Variants in OCLN observed in about 807,000 individuals in gnomAD.
OCLN encodes the protein occludin.
Under a neutral mutation model 47.9 loss-of-function variants are expected in OCLN, and 21 were observed. That is an observed-to-expected ratio of 0.44 (90% CI 0.31 to 0.63). The LOEUF (loss-of-function observed/expected upper bound fraction) is 0.63, where lower values mean the gene tolerates loss of function less well. Among genes scored for constraint, OCLN ranks in the 30% least tolerant of loss-of-function variants. The probability of loss-of-function intolerance (pLI) is 0.08; values close to 1 mark genes in which losing one functional copy is unlikely to be tolerated. For synonymous variants in OCLN, 117 were observed against 198.4 expected (o/e 0.59, Z 3.45); for missense variants, 360 against 571.0 (o/e 0.63, Z 3.77).
chr5:69,522,894 C>CTTTTTTT (rs60505522), intron 4 of OCLN, among the ~76,000 whole-genome samples: 1 of 116,890 alleles, frequency 8.6e-6, no homozygotes, highest in African/African-American at 3.4e-5. Context: ...GCCTGGCTGA[C>CTTTTTTT]TTTTTTTTTT....
At chr5:69,496,048 T>A (rs1045916155) in intron 1 of OCLN, among the ~76,000 whole-genome samples, 2 of 152,190 alleles carry the variant, frequency 1.3e-5, no homozygotes, top group Non-Finnish European at 2.9e-5. Flanking sequence ...TTTTAGACAA[T>A]TTACTAATGA....
intron 4 of OCLN, among the ~76,000 whole-genome samples, chr5:69,528,309 T>C (rs1561347221): frequency 6.6e-6 from 1 of 152,200 alleles, no homozygotes; most frequent in African/African-American, 2.4e-5. Flanking sequence ...TGCTCCTCCC[T>C]CTGATGCCTG....
chr5:69,498,284 A>C lies in OCLN; in HGVS notation c.-69+5384A>C, dbSNP rs557087114. Among the ~76,000 whole-genome samples, 4 of 152,346 alleles carry C rather than the reference A, an allele frequency of 2.6e-5. No individual in the cohort carries two copies. In the East Asian group the frequency reaches 5.8e-4, roughly 22 times the overall value. ...TGAGGTGGGTGGATCACCTGAGGTC[A>C]GGAGTTTGACACCAGCTTGGTTAAC... On this transcript the variant is annotated intron_variant, in intron 1 of 8. Transcript: ENST00000396442.
intron 3 of OCLN, among the ~76,000 whole-genome samples, chr5:69,512,792 A>C (rs944578638): frequency 2.8e-4 from 42 of 152,244 alleles, no homozygotes; most frequent in Non-Finnish European, 2.9e-5. Context: ...TCAAATGTGC[A>C]GGTTGGAGTT....
At chr5:69,498,072 C>CA (rs1270501201) in intron 1 of OCLN, among the ~76,000 whole-genome samples, 1 of 151,314 alleles carries the variant, frequency 6.6e-6, no homozygotes, top group Non-Finnish European at 1.5e-5. Context: ...GCGGAGCTTG[C>CA]AGTGAGCCGA....
At chr5:69,511,161 G>A (rs572734207) in intron 3 of OCLN, among the ~76,000 whole-genome samples, 1 of 151,094 alleles carries the variant, frequency 6.6e-6, no homozygotes, top group African/African-American at 2.4e-5. Context: ...TGTGAGCTAC[G>A]CCTCCTGGGT....
intron 2 of OCLN, 91 bp from the exon 3 acceptor site, chr5:69,509,049 AC>A: frequency 9.1e-7 from 1 of 1,099,224 alleles, no homozygotes. Context: ...AGTTTCATTT[AC>A]CCAATGGTTT....
intron 2 of OCLN, among the ~76,000 whole-genome samples, chr5:69,505,531 G>A (rs900999547): frequency 1.1e-4 from 16 of 152,168 alleles, no homozygotes; most frequent in African/African-American, 3.1e-4. Flanking sequence ...GAGAAATCAC[G>A]TAATATGTGG....
chr5:69,527,075 C>T (rs992108453), intron 4 of OCLN, among the ~76,000 whole-genome samples: 7 of 152,014 alleles, frequency 4.6e-5, no homozygotes, highest in Admixed American at 1.3e-4. Flanking sequence ...GTCAGGAGTT[C>T]GAGACAAGCT....
intron 7 of OCLN, among the ~76,000 whole-genome samples, chr5:69,549,340 CAAAAAAAAAAA>C (rs1172698181): frequency 1.2e-4 from 6 of 51,532 alleles, no homozygotes; most frequent in African/African-American, 4.3e-4. Flanking sequence ...GACTCCATCT[CAAAAAAAAAAA>C]AAAAAAAAAA....
At chr5:69,522,134 ACTT>A (rs1769155112) in intron 4 of OCLN, among the ~76,000 whole-genome samples, 1 of 151,944 alleles carries the variant, frequency 6.6e-6, no homozygotes, top group African/African-American at 2.4e-5. Context: ...CCATGCCCAG[ACTT>A]CTTATTTTTT....
intron 4 of OCLN, among the ~76,000 whole-genome samples, chr5:69,519,047 A>T (rs1290920136): frequency 6.6e-6 from 1 of 152,096 alleles, no homozygotes; most frequent in Non-Finnish European, 1.5e-5. Flanking sequence ...CTGAAGTGGG[A>T]GGATTGCTGG....
intron 4 of OCLN, among the ~76,000 whole-genome samples, chr5:69,517,292 A>AT: frequency 8.2e-6 from 1 of 121,532 alleles, no homozygotes; most frequent in African/African-American, 3.0e-5. Flanking sequence ...GGGTAAAGAC[A>AT]TTAATATATA....
chr5:69,511,301 T>C (rs1041031638), intron 3 of OCLN, among the ~76,000 whole-genome samples: 2 of 151,270 alleles, frequency 1.3e-5, no homozygotes, highest in African/African-American at 4.9e-5. Flanking sequence ...GCCACGATGG[T>C]CTCTATCTTC....
chr5:69,526,324 T>C (rs985638769), intron 4 of OCLN, among the ~76,000 whole-genome samples: 14 of 152,086 alleles, frequency 9.2e-5, no homozygotes, highest in African/African-American at 3.4e-4. Context: ...ACTTGGAAAA[T>C]GGTGACTTAG....
chr5:69,501,099 T>C (rs1222745152), intron 1 of OCLN, among the ~76,000 whole-genome samples: 1 of 152,024 alleles, frequency 6.6e-6, no homozygotes, highest in Non-Finnish European at 1.5e-5. Context: ...GTATTTTTAG[T>C]AGAGACGGGG....
At chr5:69,525,915 G>A (rs1035286497) in intron 4 of OCLN, among the ~76,000 whole-genome samples, 2 of 152,138 alleles carry the variant, frequency 1.3e-5, no homozygotes, top group African/African-American at 4.8e-5. Flanking sequence ...ACCCTCAGCT[G>A]TTCTCATGCC....
chr5:69,546,604 A>AC (rs1769718739), intron 6 of OCLN, among the ~76,000 whole-genome samples: 1 of 132,958 alleles, frequency 7.5e-6, no homozygotes, highest in African/African-American at 3.0e-5. Context: ...CAGCCTCCCG[A>AC]AGAGCTGGGA....
At chr5:69,510,787 G>T (rs1032122774) in intron 3 of OCLN, among the ~76,000 whole-genome samples, 1 of 152,118 alleles carries the variant, frequency 6.6e-6, no homozygotes, top group African/African-American at 2.4e-5. Flanking sequence ...GGAATTGCTG[G>T]GTCATATGGT....
Sources: allele counts gnomAD v4.1 joint callset (sites outside exome capture counted in the v4.1 genomes callset), GRCh38; gene constraint gnomAD v4.1.1; transcripts MANE v1.5; gene names NCBI Gene and HGNC (gene_info 2026-07-23, HGNC 2026-07-21).